The following ATP1B2 variants were observed in gnomAD, a reference collection of about 807,000 sequenced individuals.
ATP1B2 encodes ATPase Na+/K+ transporting subunit beta 2.
A neutral mutation model predicts 37.3 loss-of-function variants in ATP1B2; 12 were observed. The ratio of observed to expected loss-of-function variants is 0.32; its 90% CI spans 0.21 to 0.52. The LOEUF (loss-of-function observed/expected upper bound fraction) is 0.52. Ranked by LOEUF, ATP1B2 falls within the 20% of genes least tolerant of loss-of-function variation. ATP1B2 has a pLI of 0.96. For missense variants in ATP1B2, 324 were observed against 391.6 expected, an observed-to-expected ratio of 0.83 and a Z score of 1.46; for synonymous variants, 139 against 140.5, an observed-to-expected ratio of 0.99 and a Z score of 0.07.
chr17:7,651,148 C>G lies in ATP1B2; in HGVS notation c.-371C>G, dbSNP rs1160052662. Reference sequence around the variant, plus strand: ...TGCCTTTTTGTACCCCGCTTTTTTTCTGCGTTCTGCTCGGTTTTTGTAGCC... The same window carrying G: ...TGCCTTTTTGTACCCCGCTTTTTTTGTGCGTTCTGCTCGGTTTTTGTAGCC... On this transcript the variant is annotated 5_prime_UTR_variant, in exon 1 of 7. Transcript: ENST00000250111. 1 of 223,078 alleles carries G rather than the reference C, an allele frequency of 4.5e-6. No individual in the cohort carries two copies. The highest frequency in any genetic ancestry group is 9.0e-6 in the Non-Finnish European group (1 of 110,924). The allele number at this position is 223,078 out of a possible 1,614,324, so 13.8% of individuals were successfully genotyped here.
Position 7,651,393 on chromosome 17 carries a change from G to A in ATP1B2, c.-126G>A, listed in dbSNP as rs562555402. 1.3e-6 allele frequency: 1 copy of A among 783,774 alleles called. No individual in the cohort carries two copies. 48.6% of individuals were successfully genotyped at this position (783,774 alleles called of 1,614,324 possible). On this transcript the variant is annotated 5_prime_UTR_variant, in exon 1 of 7. Transcript: ENST00000250111. ...TCTGCAGCAGCTGCATATCTGAGGGGGGTCTCCTTTGCCCGCGCCGCCTTC... is the reference window on the plus strand; with the variant it reads ...TCTGCAGCAGCTGCATATCTGAGGGAGGTCTCCTTTGCCCGCGCCGCCTTC...
Position 7,655,972 on chromosome 17 carries a change from C to T in ATP1B2, c.*77C>T. On this transcript the variant is annotated 3_prime_UTR_variant, in exon 7 of 7. Coordinates refer to ENST00000250111, the MANE Select transcript of ATP1B2 (RefSeq NM_001678.5). The surrounding 1 kb of genome is among the most constrained non-coding windows in gnomAD (Gnocchi z 4.4). The stretch of plus-strand genomic sequence containing the variant: ...CTGACCCTGCCTGATCCCTCCCTCA[C>T]CCACCCCAAAGGTATTTTTGATAAC... 6.4e-7 allele frequency: 1 copy of T among 1,558,730 alleles called. No homozygotes were observed. Among genetic ancestry groups the T allele is most frequent in the South Asian group, 1.2e-5 (1 of 86,856 alleles).
Position 7,655,707 on chromosome 17 carries a change from C to G in ATP1B2, c.709-24C>G. The G allele has an allele frequency of 6.2e-7, 1 of 1,614,054 alleles. No homozygotes were observed. The highest frequency in any genetic ancestry group is 8.5e-7 in the Non-Finnish European group (1 of 1,179,958). On this transcript the variant is annotated intron_variant, in intron 6 of 6. Transcript: ENST00000250111. The surrounding 1 kb of genome is among the most constrained non-coding windows in gnomAD (Gnocchi z 4.4). Reference sequence around the variant, plus strand: ...GAGGCCGCGTTGCCCCAGGCCTAGACCCTGCACTGCTCCTCCGGCCCAGGT... The same window carrying G: ...GAGGCCGCGTTGCCCCAGGCCTAGAGCCTGCACTGCTCCTCCGGCCCAGGT...
chr17:7,647,859 GA>G (rs1296438638), upstream of ATP1B2, among the ~76,000 whole-genome samples: 2 of 150,880 alleles, frequency 1.3e-5, no homozygotes, highest in African/African-American at 4.9e-5. Flanking sequence ...AAATAGCAAA[GA>G]AAAAAACACC....
In ATP1B2 at chr17:7,653,404, A is replaced by G. The variant is rs780782316; in HGVS notation, c.143A>G (p.Tyr48Cys). The stretch of plus-strand genomic sequence containing the variant: ...ATCCTCCTCTTCTACCTCGTTTTTT[A>G]TGGGTTCCTCACCGCCATGTTCACC... ...AFILLFYLVF[Y>C]GFLTAMFTLT... The change falls in exon 2 of 7, where the codon TAT (tyrosine) becomes TGT (cysteine). Residue 48 changes from tyrosine to cysteine, a missense_variant. By Grantham distance (194) the Tyr-to-Cys change is radical. Coordinates refer to ENST00000250111, the MANE Select transcript of ATP1B2 (RefSeq NM_001678.5). The G allele has an allele frequency of 3.7e-6, 6 of 1,613,702 alleles. No individual in the cohort carries two copies. Among genetic ancestry groups the G allele is most frequent in the East Asian group, 2.2e-5 (1 of 44,868 alleles).
Position 7,654,835 on chromosome 17 carries a change from G to A in ATP1B2, c.609+151G>A, listed in dbSNP as rs1379365061. On this transcript the variant is annotated intron_variant, in intron 5 of 6. Coordinates refer to ENST00000250111, the MANE Select transcript of ATP1B2 (RefSeq NM_001678.5). This position sits in a 1 kb window ranked among gnomAD's most constrained non-coding sequence, Gnocchi z 4.9. ...AACAAGGGGGTAAGAGTGGGCTTTT[G>A]GGCTCCACTGTAGCTTGAACTCCGA... is the stretch of plus-strand genomic sequence containing the variant. The A allele has an allele frequency of 2.4e-6, 2 of 834,504 alleles. No individual in the cohort carries two copies. Among genetic ancestry groups the A allele is most frequent in the Non-Finnish European group, 3.8e-6 (2 of 523,214 alleles). The allele number at this position is 834,504 out of a possible 1,614,324, so 51.7% of individuals were successfully genotyped here.
In ATP1B2 at chr17:7,651,558, G is replaced by A. The variant is rs766353829; in HGVS notation, c.40G>A (p.Val14Ile). Residue 14 changes from valine (V) to isoleucine (I), a missense_variant, in exon 1 of 7, where the codon GTT (valine) becomes ATT (isoleucine). Val to Ile is a conservative substitution (Grantham distance 29). Coordinates refer to ENST00000250111, the MANE Select transcript of ATP1B2 (RefSeq NM_001678.5). ...AGAGAAGAAGAGCTGCGGGCAGGTG[G>A]TTGAGGAGTGGAAGGAGTTCGTGTG... ...QKEKKSCGQV[V>I]EEWKEFVWNP... The A allele has an allele frequency of 1.0e-4, 165 of 1,608,030 alleles. No homozygotes were observed. The highest frequency in any genetic ancestry group is 1.4e-4 in the Non-Finnish European group (163 of 1,177,354).
chr17:7,647,496 GTTT>G (rs2072582058), upstream of ATP1B2, among the ~76,000 whole-genome samples: 1 of 152,012 alleles, frequency 6.6e-6, no homozygotes, highest in African/African-American at 2.4e-5. Flanking sequence ...CTCCATCTTT[GTTT>G]TTTAAGAGAC....
At position 7,656,019 on chromosome 17, in the gene ATP1B2, CTCA is replaced by C; in HGVS notation, c.*125_*127del. 7.6e-7 allele frequency: 1 copy of C among 1,312,962 alleles called. No individual in the cohort carries two copies. Among genetic ancestry groups the C allele is most frequent in the Non-Finnish European group, 1.0e-6 (1 of 963,210 alleles). The allele number at this position is 1,312,962 out of a possible 1,614,324, so 81.3% of individuals were successfully genotyped here. A position where few individuals can be genotyped will look rare whatever the true frequency, so the allele number is the denominator to read the frequency against. On this transcript the variant is annotated 3_prime_UTR_variant, in exon 7 of 7. Transcript: ENST00000250111. Reference sequence around the variant, plus strand: ...TAACAGAGCTATGACTTGTCTGAGCCTCACATCCTTTTCCTTGACTTCTCAACC... The same window carrying C: ...TAACAGAGCTATGACTTGTCTGAGCCCATCCTTTTCCTTGACTTCTCAACC...
At chr17:7,649,512 T>G (rs550667768), upstream of ATP1B2, among the ~76,000 whole-genome samples, 365 of 145,558 alleles carry the variant, frequency 2.5e-3, no homozygotes, top group African/African-American at 9.0e-3. Flanking sequence ...TTCAGCCTCC[T>G]GAGTAGCTGG....
rs999067347 is a variant in ATP1B2 at position 7,657,635 on chromosome 17, C to G, written c.*1740C>G. 1 of 152,546 alleles carries G rather than the reference C, an allele frequency of 6.6e-6. No homozygotes were observed. Among genetic ancestry groups the G allele is most frequent in the African/African-American group, 2.4e-5 (1 of 41,408 alleles). 9.4% of individuals were successfully genotyped at this position (152,546 alleles called of 1,614,324 possible). On this transcript the variant is annotated 3_prime_UTR_variant, in exon 7 of 7. Transcript: ENST00000250111. ...ATCTGTGTTTCTTCCCTTCGGGCCC[C>G]CATGTTTTCCTGCACCCGCCCTACC...
upstream of ATP1B2, among the ~76,000 whole-genome samples, chr17:7,650,292 C>G (rs151152061): frequency 6.6e-6 from 1 of 152,042 alleles, no homozygotes; most frequent in Non-Finnish European, 1.5e-5. Flanking sequence ...TTCAGGGAGA[C>G]GTGATGGGAA....
chr17:7,657,586 A>C lies in ATP1B2; in HGVS notation c.*1691A>C, dbSNP rs2072664443. The C allele has an allele frequency of 6.7e-6, 1 of 150,336 alleles. No homozygotes were observed. Among genetic ancestry groups the C allele is most frequent in the East Asian group, 2.0e-4 (1 of 5,064 alleles). The allele number at this position is 150,336 out of a possible 1,614,324, so 9.3% of individuals were successfully genotyped here. On this transcript the variant is annotated 3_prime_UTR_variant, in exon 7 of 7. Coordinates refer to ENST00000250111, the MANE Select transcript of ATP1B2 (RefSeq NM_001678.5). ...GCCTCCACACTCCACCCACAGGTGG[A>C]CCCTTCCCTTTTTCTCTAGCTGGAT...
At position 7,653,396 on chromosome 17, in the gene ATP1B2, C is replaced by T. The variant is rs2072626178; in HGVS notation, c.135C>T (p.Leu45=). 3 of 1,613,996 alleles carry T rather than the reference C, an allele frequency of 1.9e-6. No individual in the cohort carries two copies. The highest frequency in any genetic ancestry group is 1.3e-5 in the African/African-American group (1 of 74,900). The part of the protein sequence containing the change: ...TSWAFILLFY[L]VFYGFLTAMF... ...TAGCCTTTATCCTCCTCTTCTACCT[C>T]GTTTTTTATGGGTTCCTCACCGCCA... is the stretch of plus-strand genomic sequence containing the variant. The change falls in exon 2 of 7, where the codon CTC becomes CTT. Residue 45 remains leucine (L), a synonymous_variant. Coordinates refer to ENST00000250111, the MANE Select transcript of ATP1B2 (RefSeq NM_001678.5).
At chr17:7,649,373 C>A (rs1004654354), upstream of ATP1B2, among the ~76,000 whole-genome samples, 1 of 151,694 alleles carries the variant, frequency 6.6e-6, no homozygotes. Context: ...TGGGCCTGGC[C>A]GAGATAATGA....
upstream of ATP1B2, among the ~76,000 whole-genome samples, chr17:7,650,327 C>G (rs1305186646): frequency 6.6e-6 from 1 of 152,108 alleles, no homozygotes; most frequent in African/African-American, 2.4e-5. Flanking sequence ...TGCACGTGGA[C>G]AGAGCCAGGT....
upstream of ATP1B2, among the ~76,000 whole-genome samples, chr17:7,648,143 GAC>G (rs1421148767): frequency 6.6e-6 from 1 of 152,102 alleles, no homozygotes; most frequent in East Asian, 1.9e-4. Context: ...AAGAGGCTGA[GAC>G]AGAAGAATTG....
rs1203814171 is a variant in ATP1B2 at position 7,651,125 on chromosome 17, C to T, written c.-394C>T. 9.0e-6 allele frequency: 2 copies of T among 222,930 alleles called. No individual in the cohort carries two copies. The highest frequency in any genetic ancestry group is 4.8e-5 in the African/African-American group (2 of 41,850). The allele number at this position is 222,930 out of a possible 1,614,324, so 13.8% of individuals were successfully genotyped here. ...CGGCCCCCTCCCCCACCTCTCTCTG[C>T]CTTTTTGTACCCCGCTTTTTTTCTG... On this transcript the variant is annotated 5_prime_UTR_variant, in exon 1 of 7. Transcript: ENST00000250111.
chr17:7,655,973 C>T lies in ATP1B2; in HGVS notation c.*78C>T. 1 of 1,557,120 alleles carries T rather than the reference C, an allele frequency of 6.4e-7. No individual in the cohort carries two copies. Among genetic ancestry groups the T allele is most frequent in the Non-Finnish European group, 8.8e-7 (1 of 1,141,804 alleles). The stretch of plus-strand genomic sequence containing the variant: ...TGACCCTGCCTGATCCCTCCCTCAC[C>T]CACCCCAAAGGTATTTTTGATAACA... On this transcript the variant is annotated 3_prime_UTR_variant, in exon 7 of 7. Coordinates refer to ENST00000250111, the MANE Select transcript of ATP1B2 (RefSeq NM_001678.5). This position sits in a 1 kb window ranked among gnomAD's most constrained non-coding sequence, Gnocchi z 4.4.
Sources: gnomAD v4.1 joint callset for allele counts (sites outside exome capture counted in the v4.1 genomes callset) on GRCh38, gnomAD v4.1.1 for gene constraint, Gnocchi (gnomAD v3.1) non-coding constraint, MANE v1.5 for transcripts, NCBI Gene and HGNC (gene_info 2026-07-23, HGNC 2026-07-21) for gene names.